Variants in GALNT13 observed in about 807,000 individuals in gnomAD.
The protein encoded by GALNT13 is UDP-GalNAc:polypeptide N-acetylgalactosaminyltransferase 13.
A neutral mutation model predicts 64.2 loss-of-function variants in GALNT13; 28 were observed. The ratio of observed to expected loss-of-function variants is 0.44; its 90% CI spans 0.32 to 0.60. GALNT13 has a LOEUF of 0.60. GALNT13 is among the 20% of genes least tolerant of loss of function. The probability of loss-of-function intolerance (pLI) is 0.05; values close to 1 mark genes in which losing one functional copy is unlikely to be tolerated. For missense variants in GALNT13, 577 were observed against 669.8 expected (o/e 0.86, Z 1.53); for synonymous variants, 214 against 224.6 (o/e 0.95, Z 0.42).
At chr2:154,402,734 C>G (rs1446669199) in intron 10 of GALNT13, among the ~76,000 whole-genome samples, 1 of 152,124 alleles carries the variant, frequency 6.6e-6, no homozygotes, top group Non-Finnish European at 1.5e-5. Flanking sequence ...ATGACATGAC[C>G]AAGCCATTGT....
At chr2:153,762,618 A>C in the GALNT13 span, 1 of 157,484 alleles carries the variant, frequency 6.3e-6, no homozygotes, top group Non-Finnish European at 1.4e-5. Flanking sequence ...GACCCTCCAA[A>C]AATCATGGAA....
At chr2:153,281,548 C>G in the GALNT13 span, among the ~76,000 whole-genome samples, 1 of 152,084 alleles carries the variant, frequency 6.6e-6, no homozygotes. Context: ...TTAGAATTCT[C>G]TTAAGCTGGT....
At chr2:154,152,551 G>A (rs908777963) in intron 4 of GALNT13, among the ~76,000 whole-genome samples, 17 of 152,004 alleles carry the variant, frequency 1.1e-4, no homozygotes, top group Admixed American at 4.6e-4. Context: ...CATTCACCCC[G>A]TCACTTTCAG....
the GALNT13 span, among the ~76,000 whole-genome samples, chr2:153,850,091 G>A: frequency 1.3e-5 from 2 of 151,170 alleles, no homozygotes; most frequent in Admixed American, 1.3e-4. Context: ...AGGCAGGAGA[G>A]TGGCATAAAC....
At chr2:153,450,731 G>A in the GALNT13 span, among the ~76,000 whole-genome samples, 1 of 152,136 alleles carries the variant, frequency 6.6e-6, no homozygotes, top group African/African-American at 2.4e-5. Flanking sequence ...TAATATGGTA[G>A]CACACTTATC....
At chr2:153,073,765 A>C in the GALNT13 span, among the ~76,000 whole-genome samples, 1 of 152,142 alleles carries the variant, frequency 6.6e-6, no homozygotes, top group African/African-American at 2.4e-5. Context: ...CATTTATTTT[A>C]AGGTTATTTT....
chr2:154,318,370 G>A (rs987858181), intron 9 of GALNT13, among the ~76,000 whole-genome samples: 3 of 152,188 alleles, frequency 2.0e-5, no homozygotes, highest in African/African-American at 7.2e-5. Flanking sequence ...GAAGGAAGGA[G>A]TGATGAATTA....
the GALNT13 span, among the ~76,000 whole-genome samples, chr2:153,599,662 A>C: frequency 6.6e-6 from 1 of 151,984 alleles, no homozygotes; most frequent in Non-Finnish European, 1.5e-5. Context: ...GATAAAGAGC[A>C]AGACACAACT....
chr2:154,162,955 TTTTTTA>T, intron 4 of GALNT13, among the ~76,000 whole-genome samples: 1 of 150,680 alleles, frequency 6.6e-6, no homozygotes, highest in African/African-American at 2.4e-5. Flanking sequence ...CACATTCTTT[TTTTTTA>T]TTTTATTTTT....
At chr2:153,766,400 T>C in the GALNT13 span, among the ~76,000 whole-genome samples, 1 of 152,220 alleles carries the variant, frequency 6.6e-6, no homozygotes, top group African/African-American at 2.4e-5. Context: ...GTCGTTGGCA[T>C]TGTTACTTAG....
Position 154,348,349 on chromosome 2 carries a change from C to T in GALNT13, c.1156+46760C>T, listed in dbSNP as rs142802051. 1.2e-4 allele frequency among the ~76,000 whole-genome samples: 18 copies of T among 151,702 alleles called. No individual in the cohort carries two copies. In the East Asian group the frequency reaches 2.3e-3, roughly 20 times the overall value. ...TCTTTAGCATATTTGTTAAATTAGGCACTTGTTATATACTCACTTCCATTT... is the reference window on the plus strand; with the variant it reads ...TCTTTAGCATATTTGTTAAATTAGGTACTTGTTATATACTCACTTCCATTT... On this transcript the variant is annotated intron_variant, in intron 9 of 12. Coordinates refer to ENST00000392825, the MANE Select transcript of GALNT13 (RefSeq NM_052917.4).
the GALNT13 span, among the ~76,000 whole-genome samples, chr2:153,319,984 C>T: frequency 9.9e-5 from 15 of 152,074 alleles, no homozygotes; most frequent in Non-Finnish European, 1.8e-4. Flanking sequence ...TGTGATTGAA[C>T]GAGTAGTCTA....
chr2:153,844,801 C>A, the GALNT13 span, among the ~76,000 whole-genome samples: 17 of 152,296 alleles, frequency 1.1e-4, no homozygotes, highest in Admixed American at 3.3e-4. Context: ...TGCTTTGCTG[C>A]TTAGATATAT....
chr2:154,068,398 G>T (rs1700575676), intron 3 of GALNT13, among the ~76,000 whole-genome samples: 1 of 151,848 alleles, frequency 6.6e-6, no homozygotes, highest in Non-Finnish European at 1.5e-5. Flanking sequence ...GTATGTCTAA[G>T]ATATAGACAT....
intron 4 of GALNT13, among the ~76,000 whole-genome samples, chr2:154,150,860 G>A (rs13395138): frequency 6.6e-6 from 1 of 151,816 alleles, no homozygotes; most frequent in Non-Finnish European, 1.5e-5. Flanking sequence ...ATCAATTTTG[G>A]TGATCCTTTC....
the GALNT13 span, among the ~76,000 whole-genome samples, chr2:153,734,208 T>C: frequency 6.6e-6 from 1 of 152,172 alleles, no homozygotes; most frequent in Non-Finnish European, 1.5e-5. Flanking sequence ...TTCTGCACTG[T>C]AAGACATTGA....
intron 2 of GALNT13, among the ~76,000 whole-genome samples, chr2:153,932,903 C>G (rs943397146): frequency 2.0e-5 from 3 of 152,114 alleles, no homozygotes; most frequent in African/African-American, 7.2e-5. Flanking sequence ...GCTGGGATTA[C>G]AGGCATGAGC....
the GALNT13 span, among the ~76,000 whole-genome samples, chr2:153,307,419 C>G: frequency 6.6e-6 from 1 of 151,664 alleles, no homozygotes; most frequent in Non-Finnish European, 1.5e-5. Context: ...GCCTAAATAC[C>G]TAACAATTGC....
chr2:154,167,993 G>T (rs770589233), intron 4 of GALNT13, among the ~76,000 whole-genome samples: 2 of 152,196 alleles, frequency 1.3e-5, no homozygotes, highest in Non-Finnish European at 2.9e-5. Context: ...GAGTGCCAAA[G>T]CCAAGTCAGG....
Sources: allele counts gnomAD v4.1 joint callset (sites outside exome capture counted in the v4.1 genomes callset), GRCh38; gene constraint gnomAD v4.1.1; transcripts MANE v1.5; gene names NCBI Gene and HGNC (gene_info 2026-07-23, HGNC 2026-07-21).